BUB1B: variants seen among roughly 807,000 people sequenced by gnomAD.
BUB1B encodes BUB1 mitotic checkpoint serine/threonine kinase B.
Under a neutral mutation model 137.7 loss-of-function variants are expected in BUB1B, and 86 were observed. That is an observed-to-expected ratio of 0.62 (90% confidence interval 0.52 to 0.75). The LOEUF is 0.75. Among genes scored for constraint, BUB1B ranks in the 30% least tolerant of loss-of-function variants. The pLI is 0.00. For synonymous variants in BUB1B, 420 were observed against 417.9 expected (o/e 1.00, Z -0.06); for missense variants, 1,130 against 1,236.9 (o/e 0.91, Z 1.30).
intron 1 of BUB1B, 124 bp downstream of exon 1, chr15:40,161,379 C>A: frequency 8.7e-7 from 1 of 1,143,066 alleles, no homozygotes; most frequent in Non-Finnish European, 1.2e-6. Flanking sequence ...CCCACCGGAG[C>A]CTCCTTCCTT....
At chr15:40,214,381 T>G (rs1405212020) in intron 20 of BUB1B, among the ~76,000 whole-genome samples, 1 of 152,202 alleles carries the variant, frequency 6.6e-6, no homozygotes, top group Non-Finnish European at 1.5e-5. Flanking sequence ...TCCAACATTT[T>G]TGCTTTGTGA....
chr15:40,174,692 A>T (rs1366938842), intron 4 of BUB1B, among the ~76,000 whole-genome samples: 5 of 152,226 alleles, frequency 3.3e-5, no homozygotes, highest in Non-Finnish European at 7.3e-5. Flanking sequence ...TTGACCAGGC[A>T]TGGTGGCTCA....
chr15:40,195,629 T>A lies in BUB1B; in HGVS notation c.1059-916T>A, dbSNP rs114794861. 8.2e-3 allele frequency among the ~76,000 whole-genome samples: 1,243 copies of A among 152,320 alleles called. 20 individuals are homozygous for A. Among genetic ancestry groups the A allele is most frequent in the African/African-American group, 0.028 (1,171 of 41,556 alleles). ...GTAAACGTGTTCCCGTTTCACCACA[T>A]CCATGCCAGTGTCTATTATTTTTTG... On this transcript the variant is annotated intron_variant, in intron 8 of 22. Transcript: ENST00000287598.
At chr15:40,168,652 C>G (rs2037128433) in intron 2 of BUB1B, among the ~76,000 whole-genome samples, 1 of 151,932 alleles carries the variant, frequency 6.6e-6, no homozygotes, top group Non-Finnish European at 1.5e-5. Flanking sequence ...ATTAAAGAAC[C>G]AATAGTGGCT....
intron 8 of BUB1B, among the ~76,000 whole-genome samples, chr15:40,193,304 A>G (rs1366550849): frequency 6.6e-6 from 1 of 152,108 alleles, no homozygotes; most frequent in Non-Finnish European, 1.5e-5. Flanking sequence ...ATTGTTCCAC[A>G]TCCTTGGCAG....
At chr15:40,217,442 C>A in intron 20 of BUB1B, 54 bp from the exon 21 acceptor site, 1 of 1,530,768 alleles carries the variant, frequency 6.5e-7, no homozygotes, top group Non-Finnish European at 9.0e-7. Context: ...ACCAGCTATG[C>A]AGCTTCTTTC....
intron 10 of BUB1B, 80 bp downstream of exon 10, chr15:40,199,807 T>G (rs2037542830): frequency 9.1e-7 from 1 of 1,103,122 alleles, no homozygotes; most frequent in Non-Finnish European, 1.3e-6. Flanking sequence ...AAGGTTAAAG[T>G]CCTCCCAACC....
intron 5 of BUB1B, among the ~76,000 whole-genome samples, chr15:40,182,786 GT>G (rs1292317578): frequency 6.6e-6 from 1 of 152,070 alleles, no homozygotes; most frequent in Non-Finnish European, 1.5e-5. Context: ...GAAAGATGGG[GT>G]TTCTCTGAGT....
chr15:40,181,337 C>T (rs540962896), intron 5 of BUB1B, among the ~76,000 whole-genome samples: 63 of 150,622 alleles, frequency 4.2e-4, no homozygotes, highest in Middle Eastern at 3.5e-3. Flanking sequence ...GTGATCCACC[C>T]GCCTCGGCCT....
At chr15:40,173,398 CAATT>C (rs1158280365) in intron 4 of BUB1B, among the ~76,000 whole-genome samples, 5 of 147,688 alleles carry the variant, frequency 3.4e-5, no homozygotes, top group Non-Finnish European at 6.0e-5. Flanking sequence ...TTAAAAGTAA[CAATT>C]AATTAGAATA....
intron 18 of BUB1B, among the ~76,000 whole-genome samples, chr15:40,211,338 C>G (rs12385956): frequency 1.3e-5 from 2 of 151,764 alleles, no homozygotes; most frequent in Non-Finnish European, 2.9e-5. Flanking sequence ...GCTCTCTATT[C>G]GTATTTAAGT....
At chr15:40,188,693 C>G (rs2037399369) in intron 8 of BUB1B, among the ~76,000 whole-genome samples, 1 of 151,452 alleles carries the variant, frequency 6.6e-6, no homozygotes, top group Non-Finnish European at 1.5e-5. Context: ...AGCAATTCTC[C>G]TGCCTCAGCC....
rs2037344313 is a variant in BUB1B at position 40,185,211 on chromosome 15, G to A, written c.798G>A (p.Met266Ile). ...TCCAAAATCCATTTCCTCAACAGATGCAAAATAATAGTAGAATTACTGTTT... is the reference window on the plus strand; with the variant it reads ...TCCAAAATCCATTTCCTCAACAGATACAAAATAATAGTAGAATTACTGTTT... ...RGLQNPFPQQMQNNSRITVFD... is the reference protein window; with the variant it reads ...RGLQNPFPQQIQNNSRITVFD... Residue 266 changes from methionine to isoleucine, a missense_variant, in exon 7 of 23, where the codon ATG (methionine) becomes ATA (isoleucine). Physicochemically the swap from Met to Ile is conservative, Grantham distance 10. Coordinates refer to ENST00000287598, the MANE Select transcript of BUB1B (RefSeq NM_001211.6). 2 of 1,614,084 alleles carry A rather than the reference G, an allele frequency of 1.2e-6. No individual in the cohort carries two copies. The highest frequency in any genetic ancestry group is 4.5e-5 in the East Asian group (2 of 44,888).
At position 40,210,119 on chromosome 15, in the gene BUB1B, A is replaced by T. The variant is rs765119108; in HGVS notation, c.2294A>T (p.Asp765Val). ...IEKEIELGNE[D>V]YCIKREYLIC... is the part of the protein sequence containing the mutation. ...CAAACTTTCTCAACAGGTAATGAGG[A>T]TTACTGCATTAAACGAGAATACCTA... Residue 765 changes from aspartate (D) to valine (V), a missense_variant, in exon 18 of 23, where the codon GAT becomes GTT. By Grantham distance (152) the Asp-to-Val change is radical. Transcript: ENST00000287598. 10 of 1,608,318 alleles carry T rather than the reference A, an allele frequency of 6.2e-6. No homozygotes were observed. Among genetic ancestry groups the T allele is most frequent in the African/African-American group, 1.3e-5 (1 of 74,758 alleles).
At chr15:40,199,849 G>A (rs2037543464) in intron 10 of BUB1B, 122 bp downstream of exon 10, 1 of 781,916 alleles carries the variant, frequency 1.3e-6, no homozygotes, top group Non-Finnish European at 2.1e-6. Context: ...TTTCTTAGCT[G>A]TTAGTAGCCG....
intron 14 of BUB1B, among the ~76,000 whole-genome samples, chr15:40,204,401 G>A (rs568678244): frequency 2.0e-5 from 3 of 150,998 alleles, no homozygotes; most frequent in South Asian, 2.1e-4. Context: ...AGCTGTTCAA[G>A]GATATGCTTA....
chr15:40,213,336 T>C lies in BUB1B; in HGVS notation c.2540T>C (p.Leu847Pro). Residue 847 changes from leucine to proline, a missense_variant, in exon 20 of 23, where the codon CTT (leucine) becomes CCT (proline). By Grantham distance (98) the Leu-to-Pro change is moderately conservative. Coordinates refer to ENST00000287598, the MANE Select transcript of BUB1B (RefSeq NM_001211.6). Reference sequence around the variant, plus strand: ...TTTCTGTCCTTCAATTTCCAGGATCTTCTCCAACACAGTGAATATATTACC... The same window carrying C: ...TTTCTGTCCTTCAATTTCCAGGATCCTCTCCAACACAGTGAATATATTACC... ...QYINCFTLQD[L>P]LQHSEYITHE... 1 of 1,613,880 alleles carries C rather than the reference T, an allele frequency of 6.2e-7. No homozygotes were observed.
intron 8 of BUB1B, among the ~76,000 whole-genome samples, chr15:40,189,063 AC>A (rs1173833826): frequency 1.3e-5 from 2 of 151,456 alleles, no homozygotes; most frequent in African/African-American, 4.9e-5. Flanking sequence ...CCCAATCCCC[AC>A]CCTAGCAACC....
chr15:40,208,299 A>T (rs924464815), intron 15 of BUB1B, among the ~76,000 whole-genome samples: 1 of 152,218 alleles, frequency 6.6e-6, no homozygotes, highest in Non-Finnish European at 1.5e-5. Flanking sequence ...GCACTTTAGG[A>T]GGCTGAGACG....
Sources: allele counts gnomAD v4.1 joint callset (sites outside exome capture counted in the v4.1 genomes callset), GRCh38; gene constraint gnomAD v4.1.1; transcripts MANE v1.5; gene names NCBI Gene and HGNC (gene_info 2026-07-23, HGNC 2026-07-21).